EYS: variants seen among roughly 807,000 people sequenced by gnomAD.
The protein encoded by EYS is protein eyes shut homolog.
In EYS, 250 loss-of-function variants were observed where a neutral mutation model predicts 282.1. The ratio of observed to expected loss-of-function variants is 0.89; its 90% CI spans 0.80 to 0.98. The LOEUF (loss-of-function observed/expected upper bound fraction) is 0.98, where lower values mean the gene tolerates loss of function less well. Among genes scored for constraint, EYS ranks in the 50% least tolerant of loss-of-function variants. The probability of loss-of-function intolerance (pLI) is 0.00; values close to 1 mark genes in which losing one functional copy is unlikely to be tolerated. For missense variants in EYS, 4,016 were observed against 3,709.0 expected (o/e 1.08, Z -2.15); for synonymous variants, 1,355 against 1,282.9 (o/e 1.06, Z -1.20).
Position 65,162,175 on chromosome 6 carries a change from G to A in EYS, c.2024-104448C>T, listed in dbSNP as rs942159113. Among the ~76,000 whole-genome samples, 15 of 151,218 alleles carry A rather than the reference G, an allele frequency of 9.9e-5. 3 individuals carry two copies. The highest frequency in any genetic ancestry group is 7.3e-4 in the Admixed American group (11 of 15,118). On this transcript the variant is annotated intron_variant, in intron 12 of 42. Coordinates refer to ENST00000503581, the MANE Select transcript of EYS (RefSeq NM_001142800.2). ...CCAAGTGTATTTGACTACAACACTTGGTCTTTAATCTCAGTTTCTCCATGT... is the reference window on the plus strand; with the variant it reads ...CCAAGTGTATTTGACTACAACACTTAGTCTTTAATCTCAGTTTCTCCATGT...
chr6:64,865,239 C>CAT (rs1190180742), intron 19 of EYS, among the ~76,000 whole-genome samples: 14 of 151,828 alleles, frequency 9.2e-5, no homozygotes, highest in Non-Finnish European at 2.1e-4. Context: ...TAAAAAATTG[C>CAT]ATATATATAC....
intron 31 of EYS, among the ~76,000 whole-genome samples, chr6:64,141,870 A>G (rs1399469581): frequency 3.9e-5 from 6 of 152,168 alleles, no homozygotes; most frequent in African/African-American, 1.4e-4. Flanking sequence ...TATACTCTCC[A>G]GTACACTCTC....
At chr6:63,849,979 T>C (rs1437082391) in intron 36 of EYS, among the ~76,000 whole-genome samples, 1 of 152,140 alleles carries the variant, frequency 6.6e-6, no homozygotes, top group Non-Finnish European at 1.5e-5. Flanking sequence ...GAGAAGAACA[T>C]AAATGATCTG....
At chr6:64,964,970 T>C (rs557975221) in intron 14 of EYS, among the ~76,000 whole-genome samples, 5 of 152,048 alleles carry the variant, frequency 3.3e-5, no homozygotes, top group African/African-American at 9.6e-5. Flanking sequence ...GAAGTGGAGG[T>C]TGCAGTGTAC....
chr6:65,389,187 C>G (rs986099205), intron 7 of EYS, among the ~76,000 whole-genome samples: 5 of 152,112 alleles, frequency 3.3e-5, no homozygotes, highest in African/African-American at 9.7e-5. Context: ...TTGCCAGCAA[C>G]ACTGCAATAC....
At chr6:64,085,766 T>C (rs1772136512) in intron 31 of EYS, among the ~76,000 whole-genome samples, 1 of 152,186 alleles carries the variant, frequency 6.6e-6, no homozygotes, top group Admixed American at 6.5e-5. Context: ...ACTGCTTTAC[T>C]TAAGTTATAT....
chr6:65,321,158 T>C (rs1227982507), intron 11 of EYS, among the ~76,000 whole-genome samples: 2 of 151,936 alleles, frequency 1.3e-5, no homozygotes, highest in Non-Finnish European at 2.9e-5. Context: ...TTTTTTTTTT[T>C]TTTTTGGCAG....
chr6:64,381,048 G>A (rs1772731838), intron 29 of EYS, among the ~76,000 whole-genome samples: 2 of 150,580 alleles, frequency 1.3e-5, no homozygotes, highest in East Asian at 1.9e-4. Flanking sequence ...TTACAACACA[G>A]ATATTACATG....
At chr6:65,205,704 G>A (rs1766018246) in intron 12 of EYS, among the ~76,000 whole-genome samples, 1 of 151,792 alleles carries the variant, frequency 6.6e-6, no homozygotes, top group Non-Finnish European at 1.5e-5. Context: ...TCAGATTAGA[G>A]CAGAATAAAA....
At chr6:65,140,316 A>G (rs1236900103) in intron 12 of EYS, among the ~76,000 whole-genome samples, 1 of 152,016 alleles carries the variant, frequency 6.6e-6, no homozygotes, top group East Asian at 1.9e-4. Context: ...CAAAAATAAA[A>G]TTTGTTAAAA....
Position 63,815,701 on chromosome 6 carries a change from G to T in EYS, c.7229-9329C>A, listed in dbSNP as rs1036845506. Among the ~76,000 whole-genome samples the T allele has an allele frequency of 4.6e-5, 7 of 152,196 alleles. No individual in the cohort carries two copies. The South Asian group carries it at 1.0e-3, about 23-fold the overall frequency. On this transcript the variant is annotated intron_variant, in intron 36 of 42. Transcript: ENST00000503581. ...AATAAGTTTTAATAGAAGCTCAATTGTTTTCTAATATGCATAGATAATAAA... is the reference window on the plus strand; with the variant it reads ...AATAAGTTTTAATAGAAGCTCAATTTTTTTCTAATATGCATAGATAATAAA...
At chr6:64,002,425 G>A (rs1409498563) in intron 33 of EYS, among the ~76,000 whole-genome samples, 1 of 152,156 alleles carries the variant, frequency 6.6e-6, no homozygotes, top group African/African-American at 2.4e-5. Flanking sequence ...AGGGCCCACT[G>A]AGCTGATTAA....
intron 26 of EYS, among the ~76,000 whole-genome samples, chr6:64,569,463 C>A (rs765850180): frequency 1.3e-5 from 2 of 151,768 alleles, no homozygotes; most frequent in African/African-American, 4.8e-5. Context: ...GAAAAGGAGC[C>A]GGGCGTGGTG....
chr6:64,710,282 T>C (rs1771162972), intron 22 of EYS, among the ~76,000 whole-genome samples: 1 of 152,238 alleles, frequency 6.6e-6, no homozygotes, highest in African/African-American at 2.4e-5. Context: ...TCATAGCTGG[T>C]ATTGTCATGT....
intron 26 of EYS, among the ~76,000 whole-genome samples, chr6:64,448,452 A>G (rs1775197571): frequency 1.3e-5 from 2 of 152,162 alleles, no homozygotes; most frequent in Non-Finnish European, 2.9e-5. Flanking sequence ...CAAACAAAAG[A>G]CAGCAATAAC....
intron 16 of EYS, among the ~76,000 whole-genome samples, chr6:64,905,675 A>G (rs1364907137): frequency 6.6e-6 from 1 of 152,216 alleles, no homozygotes; most frequent in African/African-American, 2.4e-5. Context: ...AAAATCACTT[A>G]GTATTTTCTC....
intron 35 of EYS, among the ~76,000 whole-genome samples, chr6:63,896,470 C>A (rs2149728389): frequency 6.6e-6 from 1 of 152,296 alleles, no homozygotes; most frequent in East Asian, 1.9e-4. Flanking sequence ...CCATATACCT[C>A]CTGTCCCCAC....
intron 5 of EYS, among the ~76,000 whole-genome samples, chr6:65,445,989 A>T (rs1399160332): frequency 6.6e-6 from 1 of 151,868 alleles, no homozygotes; most frequent in Non-Finnish European, 1.5e-5. Context: ...AACTAAAAGT[A>T]GTAGAGTTTG....
At chr6:64,000,575 G>C (rs1474163919) in intron 33 of EYS, among the ~76,000 whole-genome samples, 1 of 151,936 alleles carries the variant, frequency 6.6e-6, no homozygotes, top group Admixed American at 6.6e-5. Flanking sequence ...AAAACAAAAA[G>C]TCAATTTTAT....
Sources: allele counts gnomAD v4.1 joint callset (sites outside exome capture counted in the v4.1 genomes callset), GRCh38; gene constraint gnomAD v4.1.1; transcripts MANE v1.5; gene names NCBI Gene and HGNC (gene_info 2026-07-23, HGNC 2026-07-21).